MN1: variants seen among roughly 807,000 people sequenced by gnomAD.
MN1 encodes MN1 proto-oncogene, transcriptional regulator.
In MN1, 19 loss-of-function variants were observed where a neutral mutation model predicts 86.9. The observed-to-expected ratio is 0.22, with a 90% CI of 0.15 to 0.32. The LOEUF (loss-of-function observed/expected upper bound fraction) is 0.32, where lower values mean the gene tolerates loss of function less well. MN1 is among the 10% of genes least tolerant of loss of function. The pLI, the probability that MN1 is intolerant of heterozygous loss-of-function variation, is 1.00. For synonymous variants in MN1, 928 were observed against 849.6 expected (o/e 1.09, Z -1.60); for missense variants, 1,841 against 1,862.0 (o/e 0.99, Z 0.21).
chr22:27,757,531 G>GTGGGC lies in MN1; in HGVS notation c.3782-6440_3782-6436dup, dbSNP rs1216369076. Among the ~76,000 whole-genome samples, 5 of 152,230 alleles carry GTGGGC rather than the reference G, an allele frequency of 3.3e-5. No homozygotes were observed. In the South Asian group the frequency reaches 6.2e-4, roughly 19 times the overall value. ...ACTCGGGGCTTATGTAAGAAGCAGT[G>GTGGGC]TGGGCCTCAGCACACAATAGCGGAT... is the stretch of plus-strand genomic sequence containing the variant. On this transcript the variant is annotated intron_variant, in intron 1 of 1. Transcript: ENST00000302326.
At chr22:27,751,637 G>C (rs752053799) in intron 1 of MN1, among the ~76,000 whole-genome samples, 3 of 152,248 alleles carry the variant, frequency 2.0e-5, no homozygotes, top group South Asian at 2.1e-4. Context: ...CCAACTCCAG[G>C]GGGGAAGGAT....
chr22:27,800,635 G>T lies in MN1; in HGVS notation c.-92C>A. On this transcript the variant is annotated 5_prime_UTR_variant, in exon 1 of 2. Transcript: ENST00000302326. ...CAGCTACTCGTTCCAGCCCAGGATT[G>T]GGCGCTCCGGGACGCTCAGCACCGC... 1 of 1,578,282 alleles carries T rather than the reference G, an allele frequency of 6.3e-7. No individual in the cohort carries two copies. Among genetic ancestry groups the T allele is most frequent in the Non-Finnish European group, 8.6e-7 (1 of 1,166,908 alleles).
rs747503495 is a variant in MN1 at position 27,799,614 on chromosome 22, A to ATGCTGCTGC, written c.921_929dup (p.Gln307_Gln309dup). The ATGCTGCTGC allele has an allele frequency of 1.8e-5, 27 of 1,540,142 alleles. No homozygotes were observed. The highest frequency in any genetic ancestry group is 9.8e-5 in the East Asian group (4 of 40,616). On this transcript the variant is annotated inframe_insertion, in exon 1 of 2. Coordinates refer to ENST00000302326, the MANE Select transcript of MN1 (RefSeq NM_002430.3). Reference sequence around the variant, plus strand: ...CACTGAACCTCTCAAAGAACACACCATGCTGCTGCTGCTGCTGCTGGGGCT... The same window carrying ATGCTGCTGC: ...CACTGAACCTCTCAAAGAACACACCATGCTGCTGCTGCTGCTGCTGCTGCTGCTGGGGCT...
At chr22:27,751,126 A>G (rs750382104) in intron 1 of MN1, 30 bp from the exon 2 acceptor site, 3 of 1,520,374 alleles carry the variant, frequency 2.0e-6, no homozygotes, top group East Asian at 4.7e-5. Flanking sequence ...AGAGGACATT[A>G]GTGGCACACT....
chr22:27,755,853 T>A (rs1932798766), intron 1 of MN1, among the ~76,000 whole-genome samples: 1 of 152,122 alleles, frequency 6.6e-6, no homozygotes, highest in South Asian at 2.1e-4. Context: ...ATAACTCAAC[T>A]CACTCCGTTT....
At chr22:27,766,352 A>G (rs1053439217) in intron 1 of MN1, among the ~76,000 whole-genome samples, 2 of 152,132 alleles carry the variant, frequency 1.3e-5, no homozygotes, top group Non-Finnish European at 1.5e-5. Flanking sequence ...CTGGGCCTGC[A>G]ACGCCCAGTG....
At position 27,751,081 on chromosome 22, in the gene MN1, G is replaced by A. The variant is rs771439976; in HGVS notation, c.3797C>T (p.Ala1266Val). The A allele has an allele frequency of 1.9e-6, 3 of 1,585,318 alleles. No homozygotes were observed. The highest frequency in any genetic ancestry group is 3.5e-5 in the Admixed American group (2 of 57,168). ...AGGCTGGGATGCTGAGGCCTTGTTT[G>A]CAGGGAGGTCGTGGGCTGTGGAGAG... is the stretch of plus-strand genomic sequence containing the variant. ...PNSKEAHDLP[A>V]NKASASQPGS... Residue 1266 changes from alanine to valine, a missense_variant, in exon 2 of 2, where the codon GCA becomes GTA. By Grantham distance (64) the Ala-to-Val change is moderately conservative (BLOSUM62 0). Coordinates refer to ENST00000302326, the MANE Select transcript of MN1 (RefSeq NM_002430.3).
rs760997957 is a variant in MN1, at chr22:27,797,404, T to C, written c.3140A>G (p.Asp1047Gly). ...ATTGGCGTAGCTCGTGCTCACCTCGTCCGAGGCGAACTCACCCACGTTTGG... is the reference window on the plus strand; with the variant it reads ...ATTGGCGTAGCTCGTGCTCACCTCGCCCGAGGCGAACTCACCCACGTTTGG... ...SSPNVGEFAS[D>G]EVSTSYANED... The change falls in exon 1 of 2, where the codon GAC (aspartate) becomes GGC (glycine). Residue 1047 changes from aspartate to glycine, a missense_variant. Transcript: ENST00000302326. The C allele has an allele frequency of 6.8e-6, 11 of 1,611,936 alleles. 1 individual carries two copies. The Admixed American group carries it at 1.8e-4, about 27-fold the overall frequency.
intron 1 of MN1, among the ~76,000 whole-genome samples, chr22:27,755,622 G>A (rs933979962): frequency 5.3e-5 from 8 of 152,058 alleles, no homozygotes; most frequent in East Asian, 1.9e-4. Context: ...CTGATCTTCC[G>A]GCCTCTTCCT....
Position 27,801,537 on chromosome 22 carries a change from G to GGGGCGTACGCGGGTCGGGGGGCCACGCC in MN1, c.-1022_-995dup, listed in dbSNP as rs1933443211. 5.5e-6 allele frequency: 1 copy of GGGGCGTACGCGGGTCGGGGGGCCACGCC among 183,230 alleles called. No individual in the cohort carries two copies. Among genetic ancestry groups the GGGGCGTACGCGGGTCGGGGGGCCACGCC allele is most frequent in the Non-Finnish European group, 1.2e-5 (1 of 86,246 alleles). 11.4% of individuals were successfully genotyped at this position (183,230 alleles called of 1,614,324 possible). On this transcript the variant is annotated 5_prime_UTR_variant, in exon 1 of 2. Coordinates refer to ENST00000302326, the MANE Select transcript of MN1 (RefSeq NM_002430.3). ...GAGTCCCTCTCGGACCTGAGGGAGG[G>GGGGCGTACGCGGGTCGGGGGGCCACGCC]GGGCGTACGCGGGTCGGGGGGCCAC...
chr22:27,752,888 T>G (rs1932778466), intron 1 of MN1, among the ~76,000 whole-genome samples: 1 of 152,180 alleles, frequency 6.6e-6, no homozygotes, highest in Non-Finnish European at 1.5e-5. Context: ...CAATCCTCTG[T>G]GCAAGCCCAG....
chr22:27,795,816 TA>T (rs1451841788), intron 1 of MN1, among the ~76,000 whole-genome samples: 5 of 152,244 alleles, frequency 3.3e-5, no homozygotes, highest in African/African-American at 2.4e-5. Context: ...ATCCTTAGGT[TA>T]AAAAGAACTG....
At position 27,798,436 on chromosome 22, in the gene MN1, C is replaced by G. The variant is rs1367862555; in HGVS notation, c.2108G>C (p.Gly703Ala). ...PALPSPGLQFGGSLGGLGQLQ... is the reference protein window; with the variant it reads ...PALPSPGLQFAGSLGGLGQLQ... ...CTGACCCAGGCCTCCCAGACTGCCC[C>G]CGAACTGCAGGCCCGGTGAAGGCAG... Residue 703 changes from glycine to alanine, a missense_variant, in exon 1 of 2, where the codon GGG (glycine) becomes GCG (alanine). By Grantham distance (60) the Gly-to-Ala change is moderately conservative. Transcript: ENST00000302326. The G allele has an allele frequency of 6.4e-7, 1 of 1,556,456 alleles. No homozygotes were observed. The highest frequency in any genetic ancestry group is 1.8e-5 in the Admixed American group (1 of 55,434).
Position 27,796,856 on chromosome 22 carries a change from G to T in MN1, c.3688C>A (p.Pro1230Thr). The T allele has an allele frequency of 6.2e-7, 1 of 1,612,936 alleles. No homozygotes were observed. Among genetic ancestry groups the T allele is most frequent in the South Asian group, 1.1e-5 (1 of 91,080 alleles). ...MAEHSAAWYM[P>T]ADKALVDSAD... ...CTGTCCACCAGGGCCTTGTCAGCGG[G>T]CATGTACCAGGCAGCGCTGTGCTCT... Residue 1230 changes from proline to threonine, a missense_variant, in exon 1 of 2, where the codon CCC becomes ACC. Pro to Thr is a conservative substitution (Grantham distance 38). Coordinates refer to ENST00000302326, the MANE Select transcript of MN1 (RefSeq NM_002430.3).
In MN1 at chr22:27,797,635, C is replaced by A; in HGVS notation, c.2909G>T (p.Gly970Val). Residue 970 changes from glycine to valine, a missense_variant, in exon 1 of 2, where the codon GGC becomes GTC. By Grantham distance (109) the Gly-to-Val change is moderately radical. Transcript: ENST00000302326. Reference sequence around the variant, plus strand: ...CTGCCCTGGGCTCACCCCAGGTGCGCCCCCGCTGTCCGGAGCCGCCGAGTA... The same window carrying A: ...CTGCCCTGGGCTCACCCCAGGTGCGACCCCGCTGTCCGGAGCCGCCGAGTA... The part of the protein sequence containing the change: ...DKYSAAPDSG[G>V]APGVSPGQQQ... 6.3e-7 allele frequency: 1 copy of A among 1,594,110 alleles called. No individual in the cohort carries two copies. Among genetic ancestry groups the A allele is most frequent in the Non-Finnish European group, 8.5e-7 (1 of 1,170,474 alleles).
Position 27,748,953 on chromosome 22 carries a change from G to A in MN1, c.*1962C>T, listed in dbSNP as rs1453832291. 2.6e-5 allele frequency: 6 copies of A among 230,776 alleles called. No homozygotes were observed. Among genetic ancestry groups the A allele is most frequent in the Admixed American group, 1.1e-4 (2 of 17,730 alleles). The allele number at this position is 230,776 out of a possible 1,614,324, so 14.3% of individuals were successfully genotyped here. A position where few individuals can be genotyped will look rare whatever the true frequency, so the allele number is the denominator to read the frequency against. The stretch of plus-strand genomic sequence containing the variant: ...GGTCATGGAGTCTTGCCCAGAATAC[G>A]GTCAACTCTCCCACAGCCCATGGTG... On this transcript the variant is annotated 3_prime_UTR_variant, in exon 2 of 2. Coordinates refer to ENST00000302326, the MANE Select transcript of MN1 (RefSeq NM_002430.3).
chr22:27,795,970 T>C (rs894969775), intron 1 of MN1, among the ~76,000 whole-genome samples: 7 of 152,048 alleles, frequency 4.6e-5, no homozygotes, highest in Admixed American at 3.9e-4. Context: ...AAGCGAGATA[T>C]TGACAAACAC....
At chr22:27,754,333 C>G (rs1457427827) in intron 1 of MN1, among the ~76,000 whole-genome samples, 1 of 152,212 alleles carries the variant, frequency 6.6e-6, no homozygotes, top group Admixed American at 6.5e-5. Flanking sequence ...AGGCACACAA[C>G]TGAACACTTC....
In MN1 at chr22:27,785,605, G is replaced by A. The variant is rs543965074; in HGVS notation, c.3781+11158C>T. On this transcript the variant is annotated intron_variant, in intron 1 of 1. Coordinates refer to ENST00000302326, the MANE Select transcript of MN1 (RefSeq NM_002430.3). ...GCAGGGGCCGTGATGGGCACCGAGC[G>A]TGGGGGCTCTTGCAACTTCGCTGCC... Among the ~76,000 whole-genome samples, 21 of 152,312 alleles carry A rather than the reference G, an allele frequency of 1.4e-4. No homozygotes were observed. In the South Asian group the frequency reaches 3.5e-3, roughly 26 times the overall value.
Sources: allele counts gnomAD v4.1 joint callset (sites outside exome capture counted in the v4.1 genomes callset), GRCh38; gene constraint gnomAD v4.1.1; transcripts MANE v1.5; gene names NCBI Gene and HGNC (gene_info 2026-07-23, HGNC 2026-07-21).